The following SCFD2 variants were observed in gnomAD, a reference collection of about 807,000 sequenced individuals.
SCFD2 encodes the protein sec1 family domain-containing protein 2.
Under a neutral mutation model 58.9 loss-of-function variants are expected in SCFD2, and 54 were observed. The observed-to-expected ratio is 0.92, with a 90% confidence interval of 0.74 to 1.15. SCFD2 has a LOEUF of 1.15. Among genes scored for constraint, SCFD2 ranks in the 50% most tolerant of loss-of-function variants. The pLI is 0.00. For synonymous variants in SCFD2, 321 were observed against 335.9 expected (o/e 0.96, Z 0.49); for missense variants, 805 against 836.6 (o/e 0.96, Z 0.47).
intron 4 of SCFD2, among the ~76,000 whole-genome samples, chr4:53,211,919 TG>T (rs1302671733): frequency 6.6e-6 from 1 of 152,094 alleles, no homozygotes; most frequent in East Asian, 1.9e-4. Flanking sequence ...CCAAAAAGTT[TG>T]AGAACCACTG....
At chr4:52,954,379 T>A (rs1416451783) in intron 5 of SCFD2, among the ~76,000 whole-genome samples, 1 of 152,126 alleles carries the variant, frequency 6.6e-6, no homozygotes, top group African/African-American at 2.4e-5. Flanking sequence ...AGGAAGATGA[T>A]AGAAGATTAC....
intron 5 of SCFD2, among the ~76,000 whole-genome samples, chr4:52,972,481 T>C (rs1459605844): frequency 6.6e-6 from 1 of 152,124 alleles, no homozygotes; most frequent in Non-Finnish European, 1.5e-5. Flanking sequence ...CCTAAATATA[T>C]ATGCACCCAA....
intron 5 of SCFD2, among the ~76,000 whole-genome samples, chr4:53,051,917 G>A (rs1399764844): frequency 6.6e-6 from 1 of 152,114 alleles, no homozygotes; most frequent in Non-Finnish European, 1.5e-5. Flanking sequence ...AAAATGAGAT[G>A]AGGCCATTAA....
chr4:53,306,613 C>G (rs1732521932), intron 3 of SCFD2, among the ~76,000 whole-genome samples: 1 of 152,162 alleles, frequency 6.6e-6, no homozygotes, highest in South Asian at 2.1e-4. Context: ...ACTACAAGCA[C>G]TAAGCCACCC....
intron 5 of SCFD2, among the ~76,000 whole-genome samples, chr4:52,995,107 A>C (rs981064186): frequency 1.3e-5 from 2 of 152,160 alleles, no homozygotes; most frequent in African/African-American, 4.8e-5. Context: ...TTATTATTAC[A>C]TTTTAATATA....
intron 5 of SCFD2, among the ~76,000 whole-genome samples, chr4:52,970,847 T>A (rs991144210): frequency 3.3e-5 from 5 of 152,148 alleles, no homozygotes; most frequent in Non-Finnish European, 7.3e-5. Context: ...GGCAGCAACA[T>A]TTGCTGCTCA....
chr4:52,980,726 C>G, intron 5 of SCFD2, among the ~76,000 whole-genome samples: 1 of 152,176 alleles, frequency 6.6e-6, no homozygotes, highest in East Asian at 1.9e-4. Context: ...TCCTGGGACA[C>G]TGTTTTCTTC....
chr4:53,249,379 G>T (rs1166666944), intron 4 of SCFD2, among the ~76,000 whole-genome samples: 4 of 152,162 alleles, frequency 2.6e-5, no homozygotes, highest in Non-Finnish European at 5.9e-5. Flanking sequence ...TGCAAAATAC[G>T]CTGCAGGATA....
chr4:53,308,981 A>C (rs1732601618), intron 3 of SCFD2, among the ~76,000 whole-genome samples: 1 of 152,006 alleles, frequency 6.6e-6, no homozygotes, highest in Non-Finnish European at 1.5e-5. Context: ...AAAAATAAAA[A>C]AATTAGCCGG....
chr4:53,068,872 G>T (rs1298192186), intron 5 of SCFD2, among the ~76,000 whole-genome samples: 2 of 152,062 alleles, frequency 1.3e-5, no homozygotes, highest in East Asian at 1.9e-4. Context: ...CAGATAAAAT[G>T]ACCCTTGTTT....
intron 3 of SCFD2, among the ~76,000 whole-genome samples, chr4:53,295,125 CTT>C (rs1731980359): frequency 6.6e-6 from 1 of 152,096 alleles, no homozygotes; most frequent in African/African-American, 2.4e-5. Context: ...TATGCAGACT[CTT>C]TTTTGGTTCC....
At chr4:53,043,841 A>C (rs1232216666) in intron 5 of SCFD2, among the ~76,000 whole-genome samples, 1 of 152,182 alleles carries the variant, frequency 6.6e-6, no homozygotes, top group African/African-American at 2.4e-5. Context: ...AAAAAATAAT[A>C]TATTTCCCAA....
At position 52,885,749 on chromosome 4, in the gene SCFD2, G is replaced by C; in HGVS notation, c.1960C>G (p.Gln654Glu). The C allele has an allele frequency of 6.2e-7, 1 of 1,613,772 alleles. No individual in the cohort carries two copies. Among genetic ancestry groups the C allele is most frequent in the Non-Finnish European group, 8.5e-7 (1 of 1,179,814 alleles). The change falls in exon 8 of 9, where the codon CAG becomes GAG. Residue 654 changes from glutamine to glutamate, a missense_variant and splice_region_variant. Physicochemically the swap from Gln to Glu is conservative, Grantham distance 29 (BLOSUM62 2). This residue lies in a region of SCFD2 where 633 missense variants were observed against 646.8 expected (regional missense o/e 0.98). Coordinates refer to ENST00000401642, the MANE Select transcript of SCFD2 (RefSeq NM_152540.4). The stretch of plus-strand genomic sequence containing the variant: ...TCAAAGCATGGAGGACTCAGTACCT[G>C]GGTTCCTGGCTTCAACGATGCCACA... ...DLVASLKPGT[Q>E]VIVLSTRLLK...
At chr4:52,930,810 G>GTT (rs1719975227) in intron 5 of SCFD2, among the ~76,000 whole-genome samples, 2 of 152,208 alleles carry the variant, frequency 1.3e-5, no homozygotes, top group Non-Finnish European at 2.9e-5. Context: ...TGTAGACAAA[G>GTT]AGATTCTGAA....
Position 52,956,255 on chromosome 4 carries a change from C to T in SCFD2, c.1562-35385G>A, listed in dbSNP as rs142203058. ...CCCATCATACTTAGAAGGCAAACCT[C>T]CTTCCCCTTGGAGCCTGGAAGGGGA... On this transcript the variant is annotated intron_variant, in intron 5 of 8. Coordinates refer to ENST00000401642, the MANE Select transcript of SCFD2 (RefSeq NM_152540.4). The T allele has an allele frequency of 1.2e-3, 540 of 456,710 alleles. 2 individuals carry two copies. Among genetic ancestry groups the T allele is most frequent in the African/African-American group, 9.8e-3 (490 of 50,210 alleles). The allele number at this position is 456,710 out of a possible 1,614,324, so 28.3% of individuals were successfully genotyped here.
At chr4:52,987,354 C>A (rs776685522) in intron 5 of SCFD2, among the ~76,000 whole-genome samples, 2 of 152,196 alleles carry the variant, frequency 1.3e-5, no homozygotes, top group Admixed American at 6.5e-5. Context: ...TGTGTCACTC[C>A]CTTTCTTCTT....
intron 2 of SCFD2, among the ~76,000 whole-genome samples, chr4:53,325,908 G>A (rs1733179015): frequency 6.6e-6 from 1 of 151,830 alleles, no homozygotes; most frequent in Admixed American, 6.6e-5. Context: ...CAAACCTGAA[G>A]GAACTAAAGA....
At chr4:53,164,187 T>C (rs1726935372) in intron 4 of SCFD2, among the ~76,000 whole-genome samples, 1 of 152,128 alleles carries the variant, frequency 6.6e-6, no homozygotes, top group Non-Finnish European at 1.5e-5. Context: ...AAAGGATGCT[T>C]CTATTTATTT....
At chr4:53,055,672 T>A (rs1292479138) in intron 5 of SCFD2, among the ~76,000 whole-genome samples, 1 of 152,110 alleles carries the variant, frequency 6.6e-6, no homozygotes, top group Non-Finnish European at 1.5e-5. Flanking sequence ...GAAAAAAGAA[T>A]GAAACAGGAC....
Sources: allele counts gnomAD v4.1 joint callset (sites outside exome capture counted in the v4.1 genomes callset), GRCh38; gene constraint gnomAD v4.1.1; regional missense constraint gnomAD v4.1.1; transcripts MANE v1.5; gene names NCBI Gene and HGNC (gene_info 2026-07-23, HGNC 2026-07-21).